The following THSD7B variants were observed in gnomAD, a reference collection of about 807,000 sequenced individuals.
The protein encoded by THSD7B is thrombospondin type-1 domain-containing protein 7B.
A neutral mutation model predicts 213.6 loss-of-function variants in THSD7B; 138 were observed. The observed-to-expected ratio is 0.65, with a 90% CI of 0.56 to 0.74. The LOEUF (loss-of-function observed/expected upper bound fraction) is 0.74, where lower values mean the gene tolerates loss of function less well. Among genes scored for constraint, THSD7B ranks in the 30% least tolerant of loss-of-function variants. THSD7B has a pLI of 0.00. For missense variants in THSD7B, 1,931 were observed against 1,991.5 expected, an observed-to-expected ratio of 0.97 and a Z score of 0.58; for synonymous variants, 742 against 687.0, an observed-to-expected ratio of 1.08 and a Z score of -1.25.
At chr2:137,632,929 G>A (rs999341782) in intron 20 of THSD7B, among the ~76,000 whole-genome samples, 3 of 152,044 alleles carry the variant, frequency 2.0e-5, no homozygotes, top group Non-Finnish European at 4.4e-5. Context: ...AAGGGTATCC[G>A]GAGACCTGAA....
chr2:136,963,032 TATC>T (rs1685252674), intron 2 of THSD7B, among the ~76,000 whole-genome samples: 1 of 152,196 alleles, frequency 6.6e-6, no homozygotes, highest in African/African-American at 2.4e-5. Flanking sequence ...TGCTTCTACA[TATC>T]ATATCTCAGA....
At chr2:137,138,689 A>T (rs1252774550) in intron 5 of THSD7B, among the ~76,000 whole-genome samples, 1 of 152,130 alleles carries the variant, frequency 6.6e-6, no homozygotes, top group Non-Finnish European at 1.5e-5. Context: ...CTCCTGAGCA[A>T]CCCACCACAT....
chr2:137,283,805 A>G (rs2104822287), intron 12 of THSD7B, among the ~76,000 whole-genome samples: 1 of 152,214 alleles, frequency 6.6e-6, no homozygotes, highest in Admixed American at 6.5e-5. Context: ...GTTTGCCAGT[A>G]TTTTATTGAG....
At chr2:137,610,511 T>G (rs1434065374) in intron 17 of THSD7B, among the ~76,000 whole-genome samples, 1 of 152,160 alleles carries the variant, frequency 6.6e-6, no homozygotes, top group Non-Finnish European at 1.5e-5. Flanking sequence ...TATTGATATG[T>G]GTGAGCCCAT....
chr2:137,524,081 C>A (rs1370894468), intron 15 of THSD7B, among the ~76,000 whole-genome samples: 2 of 152,060 alleles, frequency 1.3e-5, no homozygotes, highest in Non-Finnish European at 2.9e-5. Context: ...TGCATTGAAA[C>A]CCCAACAATG....
chr2:136,788,559 C>A (rs7561847), intron 1 of THSD7B, among the ~76,000 whole-genome samples: 20,910 of 151,518 alleles, frequency 0.14, 1,641 homozygotes, highest in African/African-American at 0.2. Flanking sequence ...GATTTTTTTT[C>A]CTTTGGAGAA....
chr2:137,263,963 T>C (rs1682515448), intron 10 of THSD7B, among the ~76,000 whole-genome samples: 1 of 152,232 alleles, frequency 6.6e-6, no homozygotes. Context: ...ATTTCTGATC[T>C]CTTATAGAGA....
intron 15 of THSD7B, among the ~76,000 whole-genome samples, chr2:137,480,632 G>C (rs975364714): frequency 9.9e-5 from 15 of 152,078 alleles, no homozygotes; most frequent in South Asian, 4.1e-4. Flanking sequence ...TTTCACTTTT[G>C]ATTAAGCTAA....
At chr2:137,097,769 G>GACAC (rs3050089) in intron 4 of THSD7B, among the ~76,000 whole-genome samples, 16,077 of 141,234 alleles carry the variant, frequency 0.11, 897 homozygotes, top group African/African-American at 0.13. Context: ...CGCTAAGTTT[G>GACAC]ACACACACAC....
chr2:137,536,453 G>T (rs545324398), intron 15 of THSD7B, among the ~76,000 whole-genome samples: 1 of 151,646 alleles, frequency 6.6e-6, no homozygotes, highest in Admixed American at 6.6e-5. Context: ...AAATTAAGCA[G>T]TTTCTGTTTA....
intron 17 of THSD7B, among the ~76,000 whole-genome samples, chr2:137,589,635 C>T (rs1392459733): frequency 1.3e-5 from 2 of 152,112 alleles, no homozygotes; most frequent in African/African-American, 4.8e-5. Context: ...TAGACTTTTA[C>T]ATTTGCTCTT....
At chr2:137,171,239 G>T (rs1368151982) in intron 7 of THSD7B, among the ~76,000 whole-genome samples, 1 of 152,074 alleles carries the variant, frequency 6.6e-6, no homozygotes, top group Non-Finnish European at 1.5e-5. Flanking sequence ...CTTGGATAGT[G>T]TTCAACTTAT....
intron 17 of THSD7B, among the ~76,000 whole-genome samples, chr2:137,615,191 G>A (rs1682360772): frequency 1.3e-5 from 2 of 152,100 alleles, no homozygotes; most frequent in African/African-American, 4.8e-5. Flanking sequence ...TAAGAGGCAG[G>A]GTGATGAAGA....
intron 1 of THSD7B, among the ~76,000 whole-genome samples, chr2:136,839,845 G>T (rs60733093): frequency 1.3e-5 from 2 of 152,008 alleles, no homozygotes; most frequent in African/African-American, 4.8e-5. Context: ...ATAGACAAAG[G>T]CATGTACTTA....
intron 6 of THSD7B, among the ~76,000 whole-genome samples, chr2:137,165,040 AAG>A (rs1474488420): frequency 3.3e-5 from 5 of 152,176 alleles, no homozygotes; most frequent in African/African-American, 1.2e-4. Context: ...AAAAAAAAGA[AAG>A]AGTGAAAGAA....
chr2:137,215,249 A>G (rs900326731), intron 7 of THSD7B, among the ~76,000 whole-genome samples: 1 of 152,158 alleles, frequency 6.6e-6, no homozygotes, highest in Non-Finnish European at 1.5e-5. Flanking sequence ...ATGTTTGTTC[A>G]TATCCTTTGC....
At chr2:137,202,764 G>T (rs1242988897) in intron 7 of THSD7B, among the ~76,000 whole-genome samples, 1 of 152,122 alleles carries the variant, frequency 6.6e-6, no homozygotes, top group Non-Finnish European at 1.5e-5. Flanking sequence ...GAGAGGCTGT[G>T]GTGGTAAGTC....
rs552103648 is a variant in THSD7B at position 136,800,646 on chromosome 2, A to T, written c.-36+34959A>T. The stretch of plus-strand genomic sequence containing the variant: ...TTGTATTTAGAAATAAAATGTTTGC[A>T]AGATGAGCCGTTTTTCAAGTAACTG... On this transcript the variant is annotated intron_variant, in intron 1 of 27. Transcript: ENST00000409968. Among the ~76,000 whole-genome samples the T allele has an allele frequency of 4.3e-4, 65 of 152,166 alleles. 1 individual carries two copies. Among genetic ancestry groups the T allele is most frequent in the Admixed American group, 4.3e-3 (65 of 15,248 alleles).
intron 12 of THSD7B, among the ~76,000 whole-genome samples, chr2:137,365,691 A>C (rs569374284): frequency 6.6e-6 from 1 of 152,346 alleles, no homozygotes; most frequent in African/African-American, 2.4e-5. Context: ...CCACAATGAG[A>C]TACCATCTCA....
Sources: gnomAD v4.1 joint callset for allele counts (sites outside exome capture counted in the v4.1 genomes callset) on GRCh38, gnomAD v4.1.1 for gene constraint, MANE v1.5 for transcripts, NCBI Gene and HGNC (gene_info 2026-07-23, HGNC 2026-07-21) for gene names.